KAZN: variants seen among roughly 807,000 people sequenced by gnomAD.
KAZN encodes kazrin.
In KAZN, 40 loss-of-function variants were observed where a neutral mutation model predicts 87.4. That is an observed-to-expected ratio of 0.46 (90% confidence interval 0.36 to 0.60). KAZN has a LOEUF of 0.60. Ranked by LOEUF, KAZN falls within the 20% of genes least tolerant of loss-of-function variation. KAZN has a pLI of 0.00. For missense variants in KAZN, 898 were observed against 1,073.9 expected, an observed-to-expected ratio of 0.84 and a Z score of 2.29; for synonymous variants, 466 against 458.3, an observed-to-expected ratio of 1.02 and a Z score of -0.22.
chr1:14,142,059 G>C (rs1000911963), intron 1 of KAZN, among the ~76,000 whole-genome samples: 2 of 145,414 alleles, frequency 1.4e-5, no homozygotes, highest in South Asian at 4.3e-4. Context: ...AAGCAAGGTT[G>C]TTCTCTTTGT....
chr1:15,026,730 A>T (rs1036473120), intron 2 of KAZN, among the ~76,000 whole-genome samples: 1 of 152,190 alleles, frequency 6.6e-6, no homozygotes, highest in African/African-American at 2.4e-5. Flanking sequence ...TTGGAAAAAA[A>T]AAAAATGGAT....
intron 2 of KAZN, among the ~76,000 whole-genome samples, chr1:14,434,258 G>C (rs1454365138): frequency 6.6e-6 from 1 of 152,144 alleles, no homozygotes; most frequent in African/African-American, 2.4e-5. Flanking sequence ...TTGAACTCTT[G>C]GTTATTCTTC....
At chr1:14,752,598 A>G (rs1023347735) in intron 1 of KAZN, among the ~76,000 whole-genome samples, 1 of 152,182 alleles carries the variant, frequency 6.6e-6, no homozygotes, top group Non-Finnish European at 1.5e-5. Flanking sequence ...AAGGACAAAA[A>G]GAGCCTAGTC....
chr1:14,357,703 C>T (rs185228780), intron 2 of KAZN, among the ~76,000 whole-genome samples: 16 of 152,248 alleles, frequency 1.1e-4, no homozygotes, highest in Admixed American at 8.5e-4. Context: ...GTCATTGGTT[C>T]TGTTTATGTG....
At position 14,139,820 on chromosome 1, in the gene KAZN, C is replaced by T. The variant is rs538318948; in HGVS notation, c.92-40615C>T. 2.6e-4 allele frequency among the ~76,000 whole-genome samples: 39 copies of T among 152,194 alleles called. 1 individual carries two copies. In the South Asian group the frequency reaches 7.1e-3, roughly 28 times the overall value. On this transcript the variant is annotated intron_variant, in intron 1 of 16. Transcript: ENST00000636203. ...TTCTTTATCCATGAGATGAAAGGATCAGGTCAGATTTTCTCTAAAATTCTT... is the reference window on the plus strand; with the variant it reads ...TTCTTTATCCATGAGATGAAAGGATTAGGTCAGATTTTCTCTAAAATTCTT...
intron 1 of KAZN, among the ~76,000 whole-genome samples, chr1:13,984,909 AT>A (rs1010362446): frequency 3.3e-5 from 5 of 151,792 alleles, no homozygotes; most frequent in African/African-American, 7.2e-5. Flanking sequence ...CAATTTTAGG[AT>A]TTTTTTTTCA....
At chr1:14,782,376 C>T (rs1339884246) in intron 1 of KAZN, among the ~76,000 whole-genome samples, 2 of 151,454 alleles carry the variant, frequency 1.3e-5, no homozygotes, top group African/African-American at 4.8e-5. Context: ...GGTGAAACAC[C>T]GTCTCTACTA....
At chr1:14,273,861 G>A (rs1183961031) in intron 2 of KAZN, among the ~76,000 whole-genome samples, 1 of 151,920 alleles carries the variant, frequency 6.6e-6, no homozygotes, top group African/African-American at 2.4e-5. Context: ...TATTCTCTGG[G>A]GCTTTGATGA....
chr1:14,749,251 A>G (rs1644346585), intron 1 of KAZN, among the ~76,000 whole-genome samples: 1 of 152,222 alleles, frequency 6.6e-6, no homozygotes, highest in African/African-American at 2.4e-5. Context: ...ATCAACTGCA[A>G]TTGACTAGGG....
intron 2 of KAZN, among the ~76,000 whole-genome samples, chr1:14,990,950 T>C (rs527704228): frequency 8.7e-4 from 131 of 150,822 alleles, no homozygotes; most frequent in African/African-American, 3.0e-3. Context: ...AAACAGCAGG[T>C]GGGGATGAAG....
intron 2 of KAZN, among the ~76,000 whole-genome samples, chr1:14,388,471 G>A (rs1571488784): frequency 6.6e-6 from 1 of 152,156 alleles, no homozygotes; most frequent in Non-Finnish European, 1.5e-5. Flanking sequence ...CAGAGTTATA[G>A]TAGCCAAAAC....
chr1:14,640,304 G>C (rs1170985609), intron 1 of KAZN, among the ~76,000 whole-genome samples: 1 of 152,166 alleles, frequency 6.6e-6, no homozygotes, highest in Non-Finnish European at 1.5e-5. Context: ...TTCCATTGCA[G>C]GTGGAATAAG....
At chr1:14,394,123 C>CCA (rs1020167737) in intron 2 of KAZN, among the ~76,000 whole-genome samples, 1 of 152,234 alleles carries the variant, frequency 6.6e-6, no homozygotes, top group African/African-American at 2.4e-5. Context: ...GAGGACCCCC[C>CCA]CACACACATG....
intron 2 of KAZN, among the ~76,000 whole-genome samples, chr1:14,519,358 G>C (rs1671460931): frequency 6.6e-6 from 1 of 152,150 alleles, no homozygotes; most frequent in South Asian, 2.1e-4. Context: ...CCAGAAACAG[G>C]AAGAAGTTGC....
chr1:14,823,370 T>C (rs909481809), intron 1 of KAZN, among the ~76,000 whole-genome samples: 1 of 152,104 alleles, frequency 6.6e-6, no homozygotes, highest in Admixed American at 6.5e-5. Flanking sequence ...GCCCAGGAGA[T>C]ACCCCAGTGT....
intron 1 of KAZN, among the ~76,000 whole-genome samples, chr1:13,911,677 C>T (rs1247168367): frequency 6.6e-6 from 1 of 152,196 alleles, no homozygotes; most frequent in African/African-American, 2.4e-5. Context: ...AAACCTGCCT[C>T]ACAACATACA....
At chr1:14,646,707 A>G (rs1476099634) in intron 1 of KAZN, among the ~76,000 whole-genome samples, 1 of 152,204 alleles carries the variant, frequency 6.6e-6, no homozygotes, top group Non-Finnish European at 1.5e-5. Flanking sequence ...GTCTCCAGAC[A>G]TGGCTCCATG....
At chr1:14,912,764 G>A (rs1657386663) in intron 1 of KAZN, among the ~76,000 whole-genome samples, 1 of 152,128 alleles carries the variant, frequency 6.6e-6, no homozygotes, top group East Asian at 1.9e-4. Flanking sequence ...TTGGCATCCG[G>A]TTTAAAAAAA....
intron 1 of KAZN, among the ~76,000 whole-genome samples, chr1:14,649,123 C>T (rs959494150): frequency 2.0e-5 from 3 of 152,206 alleles, no homozygotes; most frequent in African/African-American, 7.2e-5. Context: ...GGTGCAGGCA[C>T]CACATTAATG....
Sources: gnomAD v4.1 joint callset for allele counts (sites outside exome capture counted in the v4.1 genomes callset) on GRCh38, gnomAD v4.1.1 for gene constraint, MANE v1.5 for transcripts, NCBI Gene and HGNC (gene_info 2026-07-23, HGNC 2026-07-21) for gene names.